TMEM178B: variants seen among roughly 807,000 people sequenced by gnomAD.
TMEM178B encodes transmembrane protein 178B.
TMEM178B carries 5 observed loss-of-function variants against 31.0 expected under a neutral mutation model. That is an observed-to-expected ratio of 0.16 (90% CI 0.08 to 0.34). TMEM178B has a LOEUF of 0.34. Among genes scored for constraint, TMEM178B ranks in the 10% least tolerant of loss-of-function variants. The pLI is 1.00. For synonymous variants in TMEM178B, 164 were observed against 164.0 expected (o/e 1.00, Z 0.00); for missense variants, 275 against 400.3 (o/e 0.69, Z 2.67).
chr7:141,220,226 T>C (rs1349950094), intron 2 of TMEM178B, among the ~76,000 whole-genome samples: 1 of 149,894 alleles, frequency 6.7e-6, no homozygotes, highest in Non-Finnish European at 1.5e-5. Flanking sequence ...GGCAGGAGAA[T>C]TGCTTGAACC....
chr7:141,281,519 T>C (rs527334186), intron 2 of TMEM178B, among the ~76,000 whole-genome samples: 1 of 152,344 alleles, frequency 6.6e-6, no homozygotes, highest in South Asian at 2.1e-4. Context: ...CAGGGCGTGA[T>C]ACTGGGAACA....
intron 1 of TMEM178B, among the ~76,000 whole-genome samples, chr7:141,107,293 T>C (rs1427082258): frequency 2.0e-5 from 3 of 152,162 alleles, no homozygotes; most frequent in Non-Finnish European, 4.4e-5. Context: ...TGTTGGACCA[T>C]TTTGAGCAGA....
chr7:141,437,753 TAC>T lies in TMEM178B; in HGVS notation c.634+9_634+10del. The T allele has an allele frequency of 6.5e-7, 1 of 1,536,130 alleles. No homozygotes were observed. The highest frequency in any genetic ancestry group is 8.7e-7 in the Non-Finnish European group (1 of 1,146,858). Reference sequence around the variant, plus strand: ...TGCTCTTCCTCATGGGAGGTAAGGCTACGGGCTCGGCTTGTGGGTGGCAGTGG... The same window carrying T: ...TGCTCTTCCTCATGGGAGGTAAGGCTGGGCTCGGCTTGTGGGTGGCAGTGG... On this transcript the variant is annotated intron_variant, in intron 3 of 3. Coordinates refer to ENST00000565468, the MANE Select transcript of TMEM178B (RefSeq NM_001195278.2).
intron 2 of TMEM178B, among the ~76,000 whole-genome samples, chr7:141,245,965 G>A (rs1040053455): frequency 1.6e-4 from 25 of 152,172 alleles, no homozygotes; most frequent in African/African-American, 6.0e-4. Flanking sequence ...TTTGGAAGTA[G>A]GGATGGGAGT....
At chr7:141,297,245 G>A (rs1352955977) in intron 2 of TMEM178B, 2 of 152,176 alleles carry the variant, frequency 1.3e-5, no homozygotes, top group Non-Finnish European at 2.9e-5. Context: ...CTTTAAAGTA[G>A]AAGTTAAACA....
At chr7:141,103,190 C>T (rs2129174097) in intron 1 of TMEM178B, among the ~76,000 whole-genome samples, 1 of 152,348 alleles carries the variant, frequency 6.6e-6, no homozygotes, top group South Asian at 2.1e-4. Context: ...GGGGTCAACT[C>T]ATCTCTTCTG....
intron 2 of TMEM178B, among the ~76,000 whole-genome samples, chr7:141,437,260 CA>C: frequency 6.6e-6 from 1 of 152,244 alleles, no homozygotes; most frequent in African/African-American, 2.4e-5. Context: ...TGCCTTTCAG[CA>C]AATAGGAATA....
chr7:141,314,137 A>G (rs1400120955), intron 2 of TMEM178B, among the ~76,000 whole-genome samples: 1 of 152,138 alleles, frequency 6.6e-6, no homozygotes, highest in African/African-American at 2.4e-5. Context: ...TTTGCTTGGA[A>G]ACCCAGGAGA....
chr7:141,335,740 T>G (rs1196131775), intron 2 of TMEM178B, among the ~76,000 whole-genome samples: 1 of 152,224 alleles, frequency 6.6e-6, no homozygotes, highest in African/African-American at 2.4e-5. Context: ...TGGTCACCTC[T>G]GTTGGGTCAG....
At chr7:141,180,676 T>G (rs1224725065) in intron 1 of TMEM178B, among the ~76,000 whole-genome samples, 2 of 152,162 alleles carry the variant, frequency 1.3e-5, no homozygotes, top group African/African-American at 4.8e-5. Flanking sequence ...TACAATGGGT[T>G]GTTTTGACAT....
Position 141,251,523 on chromosome 7 carries a change from A to C in TMEM178B, c.496+38819A>C, listed in dbSNP as rs1388615564. Among the ~76,000 whole-genome samples, 3 of 152,136 alleles carry C rather than the reference A, an allele frequency of 2.0e-5. No homozygotes were observed. In the East Asian group the frequency reaches 5.8e-4, roughly 29 times the overall value. ...CAATTAACATTTATTGCCAGGACCT[A>C]CTAGGTGCATGATATAGAGTTCCCA... is the stretch of plus-strand genomic sequence containing the variant. On this transcript the variant is annotated intron_variant, in intron 2 of 3. Coordinates refer to ENST00000565468, the MANE Select transcript of TMEM178B (RefSeq NM_001195278.2).
At chr7:141,093,038 A>T (rs181771879) in intron 1 of TMEM178B, among the ~76,000 whole-genome samples, 5 of 152,302 alleles carry the variant, frequency 3.3e-5, no homozygotes, top group Admixed American at 3.3e-4. Flanking sequence ...GGAATTAAAG[A>T]TCCATGTTAC....
At chr7:141,423,346 A>T (rs1199372750) in intron 2 of TMEM178B, among the ~76,000 whole-genome samples, 1 of 152,184 alleles carries the variant, frequency 6.6e-6, no homozygotes, top group East Asian at 1.9e-4. Context: ...TACTTTATTT[A>T]ATCCAATATA....
Position 141,364,919 on chromosome 7 carries a change from A to G in TMEM178B, c.497-72689A>G, listed in dbSNP as rs568983600. On this transcript the variant is annotated intron_variant, in intron 2 of 3. Transcript: ENST00000565468. ...GAGAATATAGGCCAAATGTTGCCAC[A>G]TCTTCTGGTTTTTCAATAAAATCTG... is the stretch of plus-strand genomic sequence containing the variant. Among the ~76,000 whole-genome samples, 195 of 152,330 alleles carry G rather than the reference A, an allele frequency of 1.3e-3. 3 individuals carry two copies. The South Asian group carries it at 0.038, about 30-fold the overall frequency.
chr7:141,423,405 G>A (rs187730266), intron 2 of TMEM178B, among the ~76,000 whole-genome samples: 79 of 152,270 alleles, frequency 5.2e-4, no homozygotes, highest in African/African-American at 1.8e-3. Context: ...AATTACTATT[G>A]AGATATTTTA....
rs143270814 is a variant in TMEM178B at position 141,087,088 on chromosome 7, T to TA, written c.382+12402dup. On this transcript the variant is annotated intron_variant, in intron 1 of 3. Coordinates refer to ENST00000565468, the MANE Select transcript of TMEM178B (RefSeq NM_001195278.2). Reference sequence around the variant, plus strand: ...ACATGAGTGACTGTTACAATTCTGATAAAAAAGGTAAAATTTTATTCAGAT... The same window carrying TA: ...ACATGAGTGACTGTTACAATTCTGATAAAAAAAGGTAAAATTTTATTCAGAT... Among the ~76,000 whole-genome samples the TA allele has an allele frequency of 8.5e-3, 1,301 of 152,318 alleles. 15 individuals are homozygous for TA. The highest frequency in any genetic ancestry group is 0.03 in the African/African-American group (1,252 of 41,560).
intron 2 of TMEM178B, among the ~76,000 whole-genome samples, chr7:141,280,780 G>C (rs898184035): frequency 6.6e-6 from 1 of 151,532 alleles, no homozygotes; most frequent in Non-Finnish European, 1.5e-5. Flanking sequence ...TCTGGGGTGA[G>C]ACCTGGAACT....
intron 3 of TMEM178B, among the ~76,000 whole-genome samples, chr7:141,468,597 T>G (rs911745782): frequency 1.3e-5 from 2 of 152,178 alleles, no homozygotes; most frequent in Admixed American, 6.5e-5. Context: ...AACCCACATC[T>G]TAGAGTTGTT....
intron 2 of TMEM178B, among the ~76,000 whole-genome samples, chr7:141,384,378 C>A (rs1431901536): frequency 6.6e-6 from 1 of 152,168 alleles, no homozygotes; most frequent in Admixed American, 6.5e-5. Context: ...TTTAATCCAT[C>A]TTGAATTAAT....
Sources: gnomAD v4.1 joint callset for allele counts (sites outside exome capture counted in the v4.1 genomes callset) on GRCh38, gnomAD v4.1.1 for gene constraint, MANE v1.5 for transcripts, NCBI Gene and HGNC (gene_info 2026-07-23, HGNC 2026-07-21) for gene names.